WDR93: variants seen among roughly 807,000 people sequenced by gnomAD.
WDR93 encodes WD repeat-containing protein 93.
WDR93 carries 73 observed loss-of-function variants against 82.9 expected under a neutral mutation model. That is an observed-to-expected ratio of 0.88 (90% CI 0.73 to 1.07). WDR93 has a LOEUF of 1.07. Ranked by LOEUF, WDR93 falls within the 50% of genes least tolerant of loss-of-function variation. WDR93 has a pLI of 0.00. For synonymous variants in WDR93, 283 were observed against 300.1 expected (o/e 0.94, Z 0.59); for missense variants, 738 against 826.0 (o/e 0.89, Z 1.31).
intron 15 of WDR93, 36 bp downstream of exon 15, chr15:89,737,765 A>G (rs752143049): frequency 6.2e-7 from 1 of 1,612,184 alleles, no homozygotes; most frequent in East Asian, 2.2e-5. Context: ...CCCACTGACC[A>G]TTTCCCTGAC....
chr15:89,720,276 T>A (rs2141657338), intron 7 of WDR93, among the ~76,000 whole-genome samples: 1 of 152,290 alleles, frequency 6.6e-6, no homozygotes, highest in South Asian at 2.1e-4. Context: ...AGTAGGTTTT[T>A]ATTTTTTTAT....
chr15:89,733,876 C>T (rs922889635), intron 13 of WDR93, among the ~76,000 whole-genome samples: 3 of 152,168 alleles, frequency 2.0e-5, no homozygotes, highest in Non-Finnish European at 2.9e-5. Context: ...CCTTCCCATC[C>T]CATACGGCCA....
At chr15:89,715,501 A>G (rs966967144) in intron 6 of WDR93, among the ~76,000 whole-genome samples, 13 of 152,142 alleles carry the variant, frequency 8.5e-5, no homozygotes, top group Non-Finnish European at 1.6e-4. Context: ...ACAGAAATAT[A>G]TATATATTTT....
chr15:89,715,503 A>G (rs1596090227), intron 6 of WDR93, among the ~76,000 whole-genome samples: 1 of 152,144 alleles, frequency 6.6e-6, no homozygotes, highest in African/African-American at 2.4e-5. Context: ...AGAAATATAT[A>G]TATATTTTCT....
At chr15:89,716,836 C>T (rs1486848511) in intron 6 of WDR93, 75 bp from the exon 7 acceptor site, 4 of 1,018,370 alleles carry the variant, frequency 3.9e-6, no homozygotes, top group Admixed American at 4.6e-5. Flanking sequence ...GAAGAGAGAG[C>T]ATGCCAGAAG....
intron 7 of WDR93, among the ~76,000 whole-genome samples, chr15:89,718,280 C>T (rs971457513): frequency 1.3e-5 from 2 of 152,156 alleles, no homozygotes; most frequent in African/African-American, 4.8e-5. Context: ...TTGAGACCAG[C>T]CTGACCAACA....
Position 89,701,961 on chromosome 15 carries a change from G to A in WDR93, c.215G>A (p.Trp72Ter), listed in dbSNP as rs200074926. 6.1e-5 allele frequency: 98 copies of A among 1,613,870 alleles called. No homozygotes were observed. Among genetic ancestry groups the A allele is most frequent in the Non-Finnish European group, 7.6e-5 (90 of 1,180,022 alleles). Reference protein sequence around the residue: ...KLVNLLFDQSWEIIEERNALR... With the variant: ...KLVNLLFDQS ...GTGAACCTTCTGTTTGACCAGTCTTGGGAAATTATTGAAGAGAGAAACGCA... is the reference window on the plus strand; with the variant it reads ...GTGAACCTTCTGTTTGACCAGTCTTAGGAAATTATTGAAGAGAGAAACGCA... Residue 72 changes from tryptophan (W) to a stop codon, truncating the protein, a stop_gained, in exon 2 of 17, where the codon TGG becomes TAG. Coordinates refer to ENST00000268130, the MANE Select transcript of WDR93 (RefSeq NM_020212.2). LOFTEE classifies it high-confidence loss of function.
At chr15:89,711,457 T>G (rs1032543955) in intron 4 of WDR93, among the ~76,000 whole-genome samples, 2 of 150,272 alleles carry the variant, frequency 1.3e-5, no homozygotes, top group Non-Finnish European at 3.0e-5. Context: ...AAGCCAGGAG[T>G]TCAAGACCAG....
At chr15:89,728,943 T>G (rs1966839234) in intron 9 of WDR93, 80 bp from the exon 10 acceptor site, 2 of 1,278,660 alleles carry the variant, frequency 1.6e-6, no homozygotes, top group Non-Finnish European at 2.3e-6. Flanking sequence ...TCTATTCTGG[T>G]TTTAGGACCA....
chr15:89,700,985 C>T (rs1432767832), intron 1 of WDR93, among the ~76,000 whole-genome samples: 2 of 150,084 alleles, frequency 1.3e-5, no homozygotes, highest in East Asian at 1.9e-4. Flanking sequence ...TGTGTACACA[C>T]ACACACACAC....
intron 4 of WDR93, among the ~76,000 whole-genome samples, chr15:89,707,201 A>G (rs1965760553): frequency 6.6e-6 from 1 of 152,202 alleles, no homozygotes; most frequent in Non-Finnish European, 1.5e-5. Context: ...GGAGGTGGAA[A>G]TTAAAATCAC....
chr15:89,719,389 A>G (rs749139396), intron 7 of WDR93, among the ~76,000 whole-genome samples: 6 of 152,242 alleles, frequency 3.9e-5, no homozygotes, highest in Non-Finnish European at 7.3e-5. Flanking sequence ...CAACTCCTTT[A>G]ATAGATAAAG....
chr15:89,730,183 G>C (rs533690801), intron 11 of WDR93, among the ~76,000 whole-genome samples: 1 of 152,126 alleles, frequency 6.6e-6, no homozygotes, highest in East Asian at 1.9e-4. Flanking sequence ...AAATTAGCCG[G>C]ATATGGTGGC....
intron 11 of WDR93, among the ~76,000 whole-genome samples, chr15:89,730,168 T>C (rs1966847514): frequency 6.6e-6 from 1 of 151,958 alleles, no homozygotes; most frequent in South Asian, 2.1e-4. Context: ...CTACTAAAAA[T>C]ACAAAAATTA....
intron 7 of WDR93, among the ~76,000 whole-genome samples, chr15:89,719,950 C>G (rs1261751265): frequency 2.0e-5 from 3 of 151,834 alleles, no homozygotes; most frequent in Non-Finnish European, 1.5e-5. Context: ...CAGGTGCCTG[C>G]CACCACGCCT....
rs1389220493 is a variant in WDR93 at position 89,727,268 on chromosome 15, A to G, written c.992A>G (p.Glu331Gly). The change falls in exon 9 of 17, where the codon GAG (glutamate) becomes GGG (glycine). Residue 331 changes from glutamate to glycine, a missense_variant. By Grantham distance (98) the Glu-to-Gly change is moderately conservative. Transcript: ENST00000268130. ...GACAGTCAGTGGGAGCAGCAAGCTG[A>G]GATCTTCAACGCTTCCTACAAGAAG... ...IKDSQWEQQAEIFNASYKKYL... is the reference protein window; with the variant it reads ...IKDSQWEQQAGIFNASYKKYL... 6.2e-7 allele frequency: 1 copy of G among 1,614,070 alleles called. No individual in the cohort carries two copies.
At chr15:89,739,572 T>C (rs2141724209) in intron 16 of WDR93, among the ~76,000 whole-genome samples, 1 of 152,222 alleles carries the variant, frequency 6.6e-6, no homozygotes, top group East Asian at 1.9e-4. Flanking sequence ...CTAATCCATC[T>C]CACAATAAAT....
At chr15:89,695,215 TGAAAA>T (rs908265670) in intron 1 of WDR93, among the ~76,000 whole-genome samples, 1 of 152,190 alleles carries the variant, frequency 6.6e-6, no homozygotes, top group Non-Finnish European at 1.5e-5. Context: ...TACATGAATT[TGAAAA>T]GAATTGACAT....
intron 10 of WDR93, 48 bp from the exon 11 acceptor site, chr15:89,729,635 C>T (rs771283482): frequency 1.4e-6 from 2 of 1,453,716 alleles, no homozygotes; most frequent in South Asian, 1.1e-5. Flanking sequence ...ACCCAGATTT[C>T]CCCCTGTGTA....
Sources: gnomAD v4.1 joint callset for allele counts (sites outside exome capture counted in the v4.1 genomes callset) on GRCh38, gnomAD v4.1.1 for gene constraint, MANE v1.5 for transcripts, NCBI Gene and HGNC (gene_info 2026-07-23, HGNC 2026-07-21) for gene names.